The following RAB27A variants were observed in gnomAD, a reference collection of about 807,000 sequenced individuals.
The protein encoded by RAB27A is ras-related protein Rab-27A.
RAB27A carries 17 observed loss-of-function variants against 20.8 expected under a neutral mutation model. The ratio of observed to expected loss-of-function variants is 0.82; its 90% confidence interval spans 0.56 to 1.23. The LOEUF is 1.23. Among genes scored for constraint, RAB27A ranks in the 50% most tolerant of loss-of-function variants. RAB27A has a pLI of 0.00. For synonymous variants in RAB27A, 85 were observed against 92.8 expected (o/e 0.92, Z 0.48); for missense variants, 277 against 266.7 (o/e 1.04, Z -0.27).
chr15:55,304,895 T>C (rs375829594), intron 2 of RAB27A, among the ~76,000 whole-genome samples: 1 of 152,226 alleles, frequency 6.6e-6, no homozygotes, highest in African/African-American at 2.4e-5. Context: ...AGTTGCAAGA[T>C]TTCATAGAGT....
chr15:55,224,914 G>A (rs1895735772), intron 5 of RAB27A, among the ~76,000 whole-genome samples: 1 of 152,144 alleles, frequency 6.6e-6, no homozygotes, highest in Admixed American at 6.5e-5. Context: ...ATCTTATCAT[G>A]AGAAAGTCAA....
chr15:55,307,055 T>G (rs2054999950), intron 2 of RAB27A, among the ~76,000 whole-genome samples: 1 of 152,110 alleles, frequency 6.6e-6, no homozygotes, highest in Non-Finnish European at 1.5e-5. Flanking sequence ...TCCAGCCACT[T>G]TAACCGCAGT....
intron 6 of RAB27A, among the ~76,000 whole-genome samples, chr15:55,213,471 C>A (rs1895121525): frequency 6.6e-6 from 1 of 152,160 alleles, no homozygotes; most frequent in African/African-American, 2.4e-5. Flanking sequence ...ATCAAGGGTT[C>A]CCAATCCCCA....
chr15:55,278,482 A>ATTTTT (rs11290945), intron 1 of RAB27A, among the ~76,000 whole-genome samples: 1 of 137,434 alleles, frequency 7.3e-6, no homozygotes, highest in Non-Finnish European at 1.6e-5. Context: ...AATCATTATT[A>ATTTTT]TTTTTTTTTT....
chr15:55,224,162 C>T, intron 5 of RAB27A, 150 bp from the exon 6 acceptor site: 1 of 637,866 alleles, frequency 1.6e-6, no homozygotes, highest in Non-Finnish European at 2.7e-6. Flanking sequence ...GTAATCTTAT[C>T]TGTAAAGCTG....
At chr15:55,259,663 T>A (rs1450984195) in intron 2 of RAB27A, among the ~76,000 whole-genome samples, 1 of 152,236 alleles carries the variant, frequency 6.6e-6, no homozygotes, top group Non-Finnish European at 1.5e-5. Context: ...TATTTAAGTC[T>A]TTAATACACT....
chr15:55,215,651 C>CAAAAAAAAAAAA (rs562538229), intron 6 of RAB27A, among the ~76,000 whole-genome samples: 51 of 76,518 alleles, frequency 6.7e-4, no homozygotes, highest in Non-Finnish European at 8.7e-4. Flanking sequence ...GACTCCGTCT[C>CAAAAAAAAAAAA]AAAAAAAAAA....
At position 55,243,522 on chromosome 15, in the gene RAB27A, G is replaced by T. The variant is rs552765847; in HGVS notation, c.-22-8566C>A. 9.2e-5 allele frequency among the ~76,000 whole-genome samples: 14 copies of T among 152,004 alleles called. 1 individual carries two copies. The South Asian group carries it at 2.9e-3, about 32-fold the overall frequency. On this transcript the variant is annotated intron_variant, in intron 2 of 6. Transcript: ENST00000336787. ...ATACAAAAAATTGGCTGGGCATGGT[G>T]GCAGGCACCTGTAATCCCAGCTTCT...
chr15:55,239,548 G>T (rs1007679849), intron 2 of RAB27A, among the ~76,000 whole-genome samples: 1 of 152,126 alleles, frequency 6.6e-6, no homozygotes, highest in African/African-American at 2.4e-5. Flanking sequence ...AGGAGCACTG[G>T]CATAGGAGAA....
intron 2 of RAB27A, among the ~76,000 whole-genome samples, chr15:55,261,695 C>A (rs1897272771): frequency 2.7e-5 from 3 of 111,490 alleles, no homozygotes; most frequent in Admixed American, 1.1e-4. Flanking sequence ...GAGCCGAGAT[C>A]ACTCACTGCA....
At position 55,209,820 on chromosome 15, in the gene RAB27A, G is replaced by GTA. The variant is rs1301013687; in HGVS notation, c.468-4117_468-4116dup. Among the ~76,000 whole-genome samples, 4 of 119,110 alleles carry GTA rather than the reference G, an allele frequency of 3.4e-5. 1 individual carries two copies. Among genetic ancestry groups the GTA allele is most frequent in the Non-Finnish European group, 6.5e-5 (4 of 61,336 alleles). 78.1% of individuals were successfully genotyped at this position (119,110 alleles called of 152,430 possible). On this transcript the variant is annotated intron_variant, in intron 6 of 6. Coordinates refer to ENST00000336787, the MANE Select transcript of RAB27A (RefSeq NM_183235.3). Reference sequence around the variant, plus strand: ...TGTATACATATATACACACATGTGTGTATATATACATATATGTGTGTACAC... The same window carrying GTA: ...TGTATACATATATACACACATGTGTGTATATATATACATATATGTGTGTACAC...
exon 1 of RAB27A, chr15:55,318,934 C>T (rs563855010): frequency 1.0e-5 from 3 of 300,598 alleles, no homozygotes; most frequent in African/African-American, 6.5e-5. Flanking sequence ...CAGGTACCTC[C>T]GACTGTTCTG....
chr15:55,226,213 A>T (rs1410233062), intron 5 of RAB27A, among the ~76,000 whole-genome samples: 1 of 152,202 alleles, frequency 6.6e-6, no homozygotes, highest in Non-Finnish European at 1.5e-5. Context: ...TCTGAACTCC[A>T]GGAAGACAGG....
chr15:55,300,740 G>T (rs1169730012), intron 2 of RAB27A, among the ~76,000 whole-genome samples: 2 of 152,140 alleles, frequency 1.3e-5, no homozygotes, highest in Non-Finnish European at 2.9e-5. Flanking sequence ...AAGGCAGGGG[G>T]CGAGGGCAGG....
chr15:55,242,219 C>T (rs1217866666), intron 2 of RAB27A, among the ~76,000 whole-genome samples: 2 of 152,154 alleles, frequency 1.3e-5, no homozygotes, highest in African/African-American at 4.8e-5. Flanking sequence ...ATTAACTGAA[C>T]AGCAACATGT....
At chr15:55,217,663 CAAAAAAAA>C (rs199813098) in intron 6 of RAB27A, among the ~76,000 whole-genome samples, 167 of 43,508 alleles carry the variant, frequency 3.8e-3, no homozygotes, top group African/African-American at 0.013. Flanking sequence ...CACTCCATCT[CAAAAAAAA>C]AAAAAAAAAA....
intron 2 of RAB27A, among the ~76,000 whole-genome samples, chr15:55,251,526 C>A (rs1896889789): frequency 6.6e-6 from 1 of 152,096 alleles, no homozygotes; most frequent in Admixed American, 6.5e-5. Context: ...TAAATGGACA[C>A]TTTGAGGCCA....
upstream of RAB27A, chr15:55,289,972 G>A (rs926262729): frequency 1.3e-5 from 2 of 152,116 alleles, no homozygotes; most frequent in Non-Finnish European, 2.9e-5. Context: ...GCCTCCGAGG[G>A]GTCCTCTGTG....
At chr15:55,303,049 C>G (rs1244633106) in intron 2 of RAB27A, among the ~76,000 whole-genome samples, 36 of 147,536 alleles carry the variant, frequency 2.4e-4, no homozygotes, top group African/African-American at 7.6e-4. Flanking sequence ...ATCAGCCCCC[C>G]CGCCCGGCCA....
Sources: allele counts gnomAD v4.1 joint callset (sites outside exome capture counted in the v4.1 genomes callset), GRCh38; gene constraint gnomAD v4.1.1; transcripts MANE v1.5; gene names NCBI Gene and HGNC (gene_info 2026-07-23, HGNC 2026-07-21).